Variants in KIF3B observed in about 807,000 individuals in gnomAD.
KIF3B encodes the protein kinesin-like protein KIF3B.
In KIF3B, 38 loss-of-function variants were observed where a neutral mutation model predicts 74.3. That is an observed-to-expected ratio of 0.51 (90% CI 0.39 to 0.67). The LOEUF (loss-of-function observed/expected upper bound fraction) is 0.67. Ranked by LOEUF, KIF3B falls within the 30% of genes least tolerant of loss-of-function variation. The pLI, the probability that KIF3B is intolerant of heterozygous loss-of-function variation, is 0.00. For missense variants in KIF3B, 649 were observed against 932.0 expected, an observed-to-expected ratio of 0.70 and a Z score of 3.95; for synonymous variants, 326 against 342.5, an observed-to-expected ratio of 0.95 and a Z score of 0.53.
intron 5 of KIF3B, among the ~76,000 whole-genome samples, chr20:32,318,962 CT>C (rs761729656): frequency 0.015 from 2,118 of 142,768 alleles, 19 homozygotes; most frequent in African/African-American, 0.025. Flanking sequence ...TCCACATCTT[CT>C]TTTTTTTTTT....
At chr20:32,321,746 A>T (rs2047860831) in intron 5 of KIF3B, among the ~76,000 whole-genome samples, 2 of 152,160 alleles carry the variant, frequency 1.3e-5, no homozygotes, top group Non-Finnish European at 2.9e-5. Context: ...CCCTGCATAA[A>T]GCAAGTCTGT....
chr20:32,293,045 A>G (rs558248082), intron 1 of KIF3B, among the ~76,000 whole-genome samples: 23 of 152,256 alleles, frequency 1.5e-4, no homozygotes, highest in Non-Finnish European at 4.4e-5. Flanking sequence ...ACCTGAGGTC[A>G]GGAGTTCAAG....
At chr20:32,302,627 C>T (rs1432284110) in intron 1 of KIF3B, among the ~76,000 whole-genome samples, 1 of 152,196 alleles carries the variant, frequency 6.6e-6, no homozygotes, top group Non-Finnish European at 1.5e-5. Flanking sequence ...ACTGACCTGT[C>T]TCCCTGTCCT....
At chr20:32,323,451 G>T (rs77453983) in intron 5 of KIF3B, among the ~76,000 whole-genome samples, 1,570 of 151,886 alleles carry the variant, frequency 0.01, 26 homozygotes, top group African/African-American at 0.036. Context: ...CCAGACTGGA[G>T]TGCAGTGGCG....
In KIF3B at chr20:32,332,588, T is replaced by C. The variant is rs1002123156; in HGVS notation, c.*1269T>C. 1.3e-5 allele frequency: 2 copies of C among 152,228 alleles called. No homozygotes were observed. Among genetic ancestry groups the C allele is most frequent in the African/African-American group, 4.8e-5 (2 of 41,456 alleles). The allele number at this position is 152,228 out of a possible 1,614,324, so 9.4% of individuals were successfully genotyped here. On this transcript the variant is annotated 3_prime_UTR_variant, in exon 9 of 9. Transcript: ENST00000375712. ...TTGTAAGTTTTAGTTCCTTGTATTA[T>C]TGAGATTCAGAGCTTCATTTTATGT... is the stretch of plus-strand genomic sequence containing the variant.
rs2047910533 is a variant in KIF3B at position 32,327,630 on chromosome 20, C to G, written c.1937C>G (p.Ser646Cys). 1.9e-6 allele frequency: 3 copies of G among 1,613,210 alleles called. 1 individual carries two copies. In the Admixed American group the frequency reaches 5.0e-5, roughly 27 times the overall value. ...KRPLSQHARM[S>C]MMIRPEARYR... The stretch of plus-strand genomic sequence containing the variant: ...CCATTGAGCCAGCACGCAAGAATGT[C>G]CATGATGATTCGTCCAGAGGCCCGA... Residue 646 changes from serine (S) to cysteine (C), a missense_variant, in exon 7 of 9, where the codon TCC (serine) becomes TGC (cysteine). Around this residue, in one of 4 missense-constraint regions of KIF3B, gnomAD observed 186 missense variants for 198.5 expected, o/e 0.94. Transcript: ENST00000375712.
chr20:32,278,674 T>G (rs1311455182), intron 1 of KIF3B, among the ~76,000 whole-genome samples: 1 of 152,160 alleles, frequency 6.6e-6, no homozygotes, highest in Non-Finnish European at 1.5e-5. Flanking sequence ...GCTGGGGTCA[T>G]GGTCTCATTT....
intron 1 of KIF3B, among the ~76,000 whole-genome samples, chr20:32,286,837 G>T (rs1170436626): frequency 6.6e-6 from 1 of 152,168 alleles, no homozygotes; most frequent in African/African-American, 2.4e-5. Flanking sequence ...TCTTAATGAT[G>T]ATTATTTTGT....
intron 1 of KIF3B, among the ~76,000 whole-genome samples, chr20:32,300,015 A>G (rs1022088310): frequency 2.6e-5 from 4 of 152,010 alleles, no homozygotes; most frequent in Non-Finnish European, 4.4e-5. Context: ...GACTAAGGCA[A>G]TCCTCCTGCC....
chr20:32,316,851 G>A lies in KIF3B; in HGVS notation c.1725G>A (p.Glu575=), dbSNP rs766533251. The stretch of plus-strand genomic sequence containing the variant: ...AAGAGCTAGAGCAGACTCAGAATGA[G>A]CTCACCAGGGAGCTGAAACTCAAGT... ...ERQELEQTQN[E]LTRELKLKHL... The change falls in exon 5 of 9, where the codon GAG becomes GAA. Residue 575 remains glutamate (E), a synonymous_variant. Coordinates refer to ENST00000375712, the MANE Select transcript of KIF3B (RefSeq NM_004798.4). 3.1e-6 allele frequency: 5 copies of A among 1,613,690 alleles called. No individual in the cohort carries two copies. The East Asian group carries it at 1.1e-4, about 36-fold the overall frequency.
At chr20:32,280,231 G>A (rs2122649703) in intron 1 of KIF3B, among the ~76,000 whole-genome samples, 1 of 152,262 alleles carries the variant, frequency 6.6e-6, no homozygotes, top group Admixed American at 6.5e-5. Flanking sequence ...GTTTAACGTG[G>A]TGCTTGTGCT....
rs1569207652 is a variant in KIF3B at position 32,322,728 on chromosome 20, T to TTATATA, written c.1749-4040_1749-4039insATATAT. Among the ~76,000 whole-genome samples, 138 of 42,558 alleles carry TTATATA rather than the reference T, an allele frequency of 3.2e-3. 24 individuals are homozygous for TTATATA. Among genetic ancestry groups the TTATATA allele is most frequent in the East Asian group, 0.022 (3 of 138 alleles). 27.9% of individuals were successfully genotyped at this position (42,558 alleles called of 152,430 possible). On this transcript the variant is annotated intron_variant, in intron 5 of 8. Transcript: ENST00000375712. ...TATATTTATATATATTTATATTTAT[T>TTATATA]TATTTATATATATTTATTTATATAT...
intron 5 of KIF3B, among the ~76,000 whole-genome samples, chr20:32,320,856 G>A (rs2047856519): frequency 6.6e-6 from 1 of 151,962 alleles, no homozygotes; most frequent in African/African-American, 2.4e-5. Flanking sequence ...ATTATTTGAT[G>A]GACATTTGGG....
Position 32,310,920 on chromosome 20 carries a change from G to A in KIF3B, c.1143G>A (p.Glu381=), listed in dbSNP as rs756497489. The change falls in exon 2 of 9, where the codon GAG becomes GAA. Residue 381 remains glutamate, a synonymous_variant. Coordinates refer to ENST00000375712, the MANE Select transcript of KIF3B (RefSeq NM_004798.4). The surrounding 1 kb of genome is among the most constrained non-coding windows in gnomAD (Gnocchi z 6.5). ...KRSIGRRKRR[E]KRREGGGSGG... Reference sequence around the variant, plus strand: ...CCATTGGTAGGAGGAAGAGGCGAGAGAAGCGGAGGGAAGGTGGTGGCAGTG... The same window carrying A: ...CCATTGGTAGGAGGAAGAGGCGAGAAAAGCGGAGGGAAGGTGGTGGCAGTG... 9 of 1,606,510 alleles carry A rather than the reference G, an allele frequency of 5.6e-6. No homozygotes were observed. Among genetic ancestry groups the A allele is most frequent in the Non-Finnish European group, 6.8e-6 (8 of 1,173,908 alleles).
chr20:32,300,573 C>A (rs902242670), intron 1 of KIF3B, among the ~76,000 whole-genome samples: 4 of 152,128 alleles, frequency 2.6e-5, no homozygotes, highest in African/African-American at 9.7e-5. Flanking sequence ...GCCGCCGCAC[C>A]CGCTGATTTT....
At chr20:32,319,679 G>A (rs191639417) in intron 5 of KIF3B, among the ~76,000 whole-genome samples, 1 of 146,862 alleles carries the variant, frequency 6.8e-6, no homozygotes, top group African/African-American at 2.5e-5. Context: ...TCTGCCTCCT[G>A]GGTTCAAGCG....
At chr20:32,284,587 G>A (rs1569186629) in intron 1 of KIF3B, among the ~76,000 whole-genome samples, 1 of 152,070 alleles carries the variant, frequency 6.6e-6, no homozygotes, top group Non-Finnish European at 1.5e-5. Flanking sequence ...CCAGGAGTCC[G>A]AGACCAACCT....
At chr20:32,329,751 A>C (rs1395295745) in intron 7 of KIF3B, among the ~76,000 whole-genome samples, 1 of 152,204 alleles carries the variant, frequency 6.6e-6, no homozygotes, top group African/African-American at 2.4e-5. Flanking sequence ...AGCACACTCA[A>C]TGTTTTTTTT....
At chr20:32,293,249 C>CA (rs1323531303) in intron 1 of KIF3B, among the ~76,000 whole-genome samples, 1 of 149,726 alleles carries the variant, frequency 6.7e-6, no homozygotes, top group African/African-American at 2.5e-5. Context: ...GACTCTGTCT[C>CA]AAAATAAATG....
Sources: gnomAD v4.1 joint callset for allele counts (sites outside exome capture counted in the v4.1 genomes callset) on GRCh38, gnomAD v4.1.1 for gene constraint, gnomAD v4.1.1 regional missense constraint, Gnocchi (gnomAD v3.1) non-coding constraint, MANE v1.5 for transcripts, NCBI Gene and HGNC (gene_info 2026-07-23, HGNC 2026-07-21) for gene names.